The following TNS3 variants were observed in gnomAD, a reference collection of about 807,000 sequenced individuals.
TNS3 encodes tensin-3.
TNS3 carries 45 observed loss-of-function variants against 140.9 expected under a neutral mutation model. That is an observed-to-expected ratio of 0.32 (90% CI 0.25 to 0.41). The LOEUF (loss-of-function observed/expected upper bound fraction) is 0.41. Ranked by LOEUF, TNS3 falls within the 10% of genes least tolerant of loss-of-function variation. The probability of loss-of-function intolerance (pLI) is 1.00; values close to 1 mark genes in which losing one functional copy is unlikely to be tolerated. For synonymous variants in TNS3, 815 were observed against 788.4 expected (o/e 1.03, Z -0.56); for missense variants, 1,716 against 1,906.7 (o/e 0.90, Z 1.86).
At position 47,520,768 on chromosome 7, in the gene TNS3, C is replaced by A. The variant is rs1250694012; in HGVS notation, c.-153+8268G>T. Among the ~76,000 whole-genome samples, 3 of 152,326 alleles carry A rather than the reference C, an allele frequency of 2.0e-5. No individual in the cohort carries two copies. In the East Asian group the frequency reaches 5.8e-4, roughly 29 times the overall value. On this transcript the variant is annotated intron_variant, in intron 2 of 30. Coordinates refer to ENST00000311160, the MANE Select transcript of TNS3 (RefSeq NM_022748.12). ...CCCCTTTGGGAGCTTCTGGGAGATT[C>A]TGTCGTGTTGCCACCTCTCTGGATG...
intron 3 of TNS3, chr7:47,481,752 C>T (rs1227647112): frequency 2.0e-6 from 2 of 981,110 alleles, no homozygotes; most frequent in African/African-American, 1.8e-5. Context: ...AAGAAAGTAA[C>T]GGAGGCAAGG....
chr7:47,526,958 C>G (rs1306268611), intron 2 of TNS3, among the ~76,000 whole-genome samples: 1 of 152,120 alleles, frequency 6.6e-6, no homozygotes, highest in African/African-American at 2.4e-5. Flanking sequence ...TCTGGCCGGG[C>G]GTGGTGGCTC....
At chr7:47,291,030 C>T (rs1785667735) in intron 27 of TNS3, among the ~76,000 whole-genome samples, 1 of 152,050 alleles carries the variant, frequency 6.6e-6, no homozygotes, top group Admixed American at 6.6e-5. Context: ...CATAAAAACA[C>T]ATGGAGGAAA....
intron 20 of TNS3, among the ~76,000 whole-genome samples, chr7:47,321,419 C>T (rs936030357): frequency 6.6e-6 from 1 of 152,212 alleles, no homozygotes; most frequent in Non-Finnish European, 1.5e-5. Flanking sequence ...AGCTCCATTC[C>T]ACTGAGTCCA....
At chr7:47,514,009 C>T (rs1180033215) in intron 2 of TNS3, among the ~76,000 whole-genome samples, 3 of 152,270 alleles carry the variant, frequency 2.0e-5, no homozygotes, top group Non-Finnish European at 4.4e-5. Flanking sequence ...CTCCACGAGC[C>T]TTGGGAATCC....
chr7:47,357,179 T>C (rs1790042893), intron 17 of TNS3, among the ~76,000 whole-genome samples: 2 of 152,238 alleles, frequency 1.3e-5, no homozygotes, highest in Admixed American at 1.3e-4. Context: ...ACATGCCTTC[T>C]TTCATTTTCT....
chr7:47,560,010 TCCA>T (rs1800291106), intron 1 of TNS3, among the ~76,000 whole-genome samples: 1 of 152,100 alleles, frequency 6.6e-6, no homozygotes, highest in South Asian at 2.1e-4. Context: ...CACCACCTGC[TCCA>T]CCCCCGCAGG....
In TNS3 at chr7:47,486,311, CTGTG is replaced by C. The variant is rs796383875; in HGVS notation, c.-114-5174_-114-5171del. 4.0e-5 allele frequency among the ~76,000 whole-genome samples: 6 copies of C among 151,656 alleles called. No homozygotes were observed. In the South Asian group the frequency reaches 8.3e-4, roughly 21 times the overall value. On this transcript the variant is annotated intron_variant, in intron 3 of 30. Coordinates refer to ENST00000311160, the MANE Select transcript of TNS3 (RefSeq NM_022748.12). ...GTGAAACTGAGTTTTGTAAGTGTGT[CTGTG>C]TGTGTTTCTATGTATGCCTATGCCT...
chr7:47,405,135 AGC>A (rs1207994954), intron 13 of TNS3, among the ~76,000 whole-genome samples: 1 of 152,198 alleles, frequency 6.6e-6, no homozygotes, highest in African/African-American at 2.4e-5. Context: ...CAAGAGAAAA[AGC>A]ACCATGTACC....
At chr7:47,322,237 G>T (rs942881900) in intron 20 of TNS3, among the ~76,000 whole-genome samples, 3 of 99,624 alleles carry the variant, frequency 3.0e-5, no homozygotes, top group African/African-American at 1.3e-4. Flanking sequence ...AAAAAAAAAA[G>T]CAAAGGCCAG....
rs370197560 is a variant in TNS3 at position 47,291,995 on chromosome 7, C to T, written c.3888G>A (p.Thr1296=). ...ACAGCTCAGCTGCTGAATTGGCTGCCGTCTGGGGAGAACTTTCTGCTATTT... is the reference window on the plus strand; with the variant it reads ...ACAGCTCAGCTGCTGAATTGGCTGCTGTCTGGGGAGAACTTTCTGCTATTT... ...LEEIAESSPQ[T]AANSAAELLK... is the part of the protein sequence containing the mutation. The change falls in exon 27 of 31, where the codon ACG becomes ACA. Residue 1296 remains threonine, a synonymous_variant. Transcript: ENST00000311160. 3.0e-5 allele frequency: 48 copies of T among 1,614,038 alleles called. No individual in the cohort carries two copies. The highest frequency in any genetic ancestry group is 1.6e-4 in the Middle Eastern group (1 of 6,084).
chr7:47,555,311 G>C (rs765468237), intron 1 of TNS3, among the ~76,000 whole-genome samples: 2 of 150,876 alleles, frequency 1.3e-5, no homozygotes, highest in Non-Finnish European at 2.9e-5. Context: ...TGAGGCAGGA[G>C]AATCGCTTCA....
rs569316268 is a variant in TNS3 at position 47,354,404 on chromosome 7, C to G, written c.2282-8048G>C. ...TCAGAAAAACCAAGGAGAAAGGGAA[C>G]AAAACCCAAGCTCCCACACAGGGAT... On this transcript the variant is annotated intron_variant, in intron 17 of 30. Transcript: ENST00000311160. Among the ~76,000 whole-genome samples the G allele has an allele frequency of 1.6e-3, 249 of 151,250 alleles. 1 individual carries two copies. Among genetic ancestry groups the G allele is most frequent in the Non-Finnish European group, 3.0e-3 (203 of 67,842 alleles).
chr7:47,362,196 G>A (rs1390271176), intron 17 of TNS3, among the ~76,000 whole-genome samples: 1 of 152,122 alleles, frequency 6.6e-6, no homozygotes, highest in Non-Finnish European at 1.5e-5. Context: ...TGGCTGGCAG[G>A]CACTTGTGGG....
In TNS3 at chr7:47,369,280, GGCGGGTCCCACTGTACTT is replaced by G; in HGVS notation, c.1348_1365del (p.Lys450_Arg455del). The G allele has an allele frequency of 6.2e-7, 1 of 1,614,190 alleles. No individual in the cohort carries two copies. Among genetic ancestry groups the G allele is most frequent in the Non-Finnish European group, 8.5e-7 (1 of 1,180,040 alleles). ...ACGTGAACCTGGGCTGGCACCACGT[GGCGGGTCCCACTGTACTT>G]GCTTCGAGCATCAGTCATTTCCTTG... is the stretch of plus-strand genomic sequence containing the variant. On this transcript the variant is annotated inframe_deletion, in exon 17 of 31. Coordinates refer to ENST00000311160, the MANE Select transcript of TNS3 (RefSeq NM_022748.12).
chr7:47,427,123 C>CAAAAA (rs61383259), intron 9 of TNS3, among the ~76,000 whole-genome samples: 3 of 106,816 alleles, frequency 2.8e-5, no homozygotes, highest in East Asian at 2.9e-4. Context: ...AAGACTCTGT[C>CAAAAA]AAAAAAAAAA....
At chr7:47,342,652 T>G (rs1789085709) in intron 20 of TNS3, among the ~76,000 whole-genome samples, 1 of 152,226 alleles carries the variant, frequency 6.6e-6, no homozygotes, top group African/African-American at 2.4e-5. Flanking sequence ...CTGATGGAGC[T>G]GAAACTCTGA....
chr7:47,473,151 A>G (rs1166440389), intron 4 of TNS3, among the ~76,000 whole-genome samples: 1 of 152,160 alleles, frequency 6.6e-6, no homozygotes, highest in Non-Finnish European at 1.5e-5. Context: ...CCACTCTGTG[A>G]TGACTGAGTG....
chr7:47,298,289 C>T (rs1786170504), intron 23 of TNS3, among the ~76,000 whole-genome samples: 2 of 152,172 alleles, frequency 1.3e-5, no homozygotes, highest in African/African-American at 2.4e-5. Context: ...CCCATGTGCC[C>T]GCCAACCCAG....
Sources: gnomAD v4.1 joint callset for allele counts (sites outside exome capture counted in the v4.1 genomes callset) on GRCh38, gnomAD v4.1.1 for gene constraint, MANE v1.5 for transcripts, NCBI Gene and HGNC (gene_info 2026-07-23, HGNC 2026-07-21) for gene names.